ARL17B: variants seen among roughly 807,000 people sequenced by gnomAD.
ARL17B encodes the protein ARF like GTPase 17B, also known as ADP-ribosylation factor-like protein 17.
chr17:46,276,035 T>G (rs138659272), intron 4 of ARL17B, among the ~76,000 whole-genome samples: 15,384 of 143,436 alleles, frequency 0.11, 1 homozygote, highest in Middle Eastern at 0.17. Flanking sequence ...GGATTACAGG[T>G]GCCTGCCACC....
chr17:46,286,583 C>T (rs1476250557), intron 4 of ARL17B, among the ~76,000 whole-genome samples: 1 of 152,118 alleles, frequency 6.6e-6, no homozygotes, highest in Non-Finnish European at 1.5e-5. Flanking sequence ...ACCACATTTT[C>T]CCCAATGTGT....
In ARL17B at chr17:46,306,440, C is replaced by G. The variant is rs2050565260; in HGVS notation, c.260-6775G>C. Reference sequence around the variant, plus strand: ...TGTCTTAAGATCCATTCATTTTTCTCAAATGGGGAAGCTAAGGTACAAAGA... The same window carrying G: ...TGTCTTAAGATCCATTCATTTTTCTGAAATGGGGAAGCTAAGGTACAAAGA... On this transcript the variant is annotated intron_variant, in intron 3 of 4. Transcript: ENST00000434041. 4 of 227,980 alleles carry G rather than the reference C, an allele frequency of 1.8e-5. 1 individual carries two copies. The highest frequency in any genetic ancestry group is 1.6e-4 in the East Asian group (4 of 24,696). 14.1% of individuals were successfully genotyped at this position (227,980 alleles called of 1,614,324 possible). A position where few individuals can be genotyped will look rare whatever the true frequency, so the allele number is the denominator to read the frequency against.
At chr17:46,283,289 T>C (rs2049819567) in intron 4 of ARL17B, among the ~76,000 whole-genome samples, 1 of 152,244 alleles carries the variant, frequency 6.6e-6, no homozygotes, top group African/African-American at 2.4e-5. Flanking sequence ...TGAAAAAACT[T>C]CAAATTCAAC....
intron 4 of ARL17B, among the ~76,000 whole-genome samples, chr17:46,292,167 A>G (rs2050091003): frequency 1.1e-5 from 1 of 87,394 alleles, no homozygotes; most frequent in Non-Finnish European, 3.2e-5. Context: ...CCCCGTCTCT[A>G]CTAAAAATAC....
chr17:46,286,560 A>G (rs1376881173), intron 4 of ARL17B, among the ~76,000 whole-genome samples: 2 of 152,260 alleles, frequency 1.3e-5, no homozygotes, highest in Admixed American at 1.3e-4. Context: ...TGAAGAATCA[A>G]ATCTACCATT....
intron 4 of ARL17B, among the ~76,000 whole-genome samples, chr17:46,291,160 C>T (rs2050055306): frequency 6.6e-6 from 1 of 152,186 alleles, no homozygotes; most frequent in Non-Finnish European, 1.5e-5. Context: ...AGAAAGAAAA[C>T]CTTGAGTTTC....
At chr17:46,288,467 T>C (rs2049978768) in intron 4 of ARL17B, among the ~76,000 whole-genome samples, 1 of 152,022 alleles carries the variant, frequency 6.6e-6, no homozygotes, top group Non-Finnish European at 1.5e-5. Flanking sequence ...TGCCACCACA[T>C]CTGGCTAATT....
intron 4 of ARL17B, among the ~76,000 whole-genome samples, chr17:46,286,901 T>C (rs2143416908): frequency 6.6e-6 from 1 of 152,358 alleles, no homozygotes; most frequent in Middle Eastern, 3.4e-3. Flanking sequence ...TTAGCCTCCT[T>C]TTCTGCGATG....
At position 46,337,431 on chromosome 17, in the gene ARL17B, T is replaced by C; in HGVS notation, c.*2069A>G. 1 of 781,532 alleles carries C rather than the reference T, an allele frequency of 1.3e-6. No individual in the cohort carries two copies. The highest frequency in any genetic ancestry group is 1.7e-5 in the African/African-American group (1 of 58,756). The allele number at this position is 781,532 out of a possible 1,614,324, so 48.4% of individuals were successfully genotyped here. A position where few individuals can be genotyped will look rare whatever the true frequency, so the allele number is the denominator to read the frequency against. ...ATATTTCCCTTTCTATCTTCTAGGA[T>C]GGACTTTCCTCATTTGGACAGCCGC... is the stretch of plus-strand genomic sequence containing the variant. On this transcript the variant is annotated 3_prime_UTR_variant, in exon 4 of 4. Transcript: ENST00000450673.
intron 4 of ARL17B, among the ~76,000 whole-genome samples, chr17:46,290,216 A>G (rs1343315212): frequency 6.6e-6 from 1 of 151,170 alleles, no homozygotes; most frequent in Admixed American, 6.6e-5. Flanking sequence ...TGCAGGGTCG[A>G]CCTCCTGGGG....
chr17:46,314,788 A>G (rs144143290), intron 3 of ARL17B, among the ~76,000 whole-genome samples: 4,181 of 82,030 alleles, frequency 0.051, 1,286 homozygotes, highest in African/African-American at 0.12. Flanking sequence ...CGTAAGAAAT[A>G]CTGGTCTGTA....
At chr17:46,330,317 G>A, downstream of ARL17B, 1 of 27,438 alleles carries the variant, frequency 3.6e-5, no homozygotes, top group African/African-American at 3.7e-4. Flanking sequence ...GATTGGGTGT[G>A]TGTTTCTCCT....
chr17:46,277,221 A>G (rs2668630), intron 4 of ARL17B, among the ~76,000 whole-genome samples: 18,486 of 152,214 alleles, frequency 0.12, 1 homozygote, highest in Non-Finnish European at 0.18. Flanking sequence ...CCAGGTGGCA[A>G]GAAGACATCC....
At chr17:46,290,649 G>A (rs1415484632) in intron 4 of ARL17B, among the ~76,000 whole-genome samples, 1 of 152,204 alleles carries the variant, frequency 6.6e-6, no homozygotes, top group Admixed American at 6.5e-5. Context: ...GTTTCGCCCT[G>A]TTAGCCAGGC....
At chr17:46,285,322 C>T (rs1001693307) in intron 4 of ARL17B, among the ~76,000 whole-genome samples, 3 of 151,006 alleles carry the variant, frequency 2.0e-5, no homozygotes, top group East Asian at 1.9e-4. Context: ...CTCACTGCAA[C>T]CTCTGCTTCC....
chr17:46,324,103 T>G (rs1316168341), intron 3 of ARL17B, among the ~76,000 whole-genome samples: 8 of 121,278 alleles, frequency 6.6e-5, no homozygotes, highest in South Asian at 3.2e-4. Flanking sequence ...AAATGCCATC[T>G]CTACTAAAAA....
At chr17:46,275,730 TGTG>T (rs1263041645) in intron 4 of ARL17B, among the ~76,000 whole-genome samples, 2 of 152,218 alleles carry the variant, frequency 1.3e-5, no homozygotes, top group Admixed American at 6.5e-5. Flanking sequence ...GCATTACCAT[TGTG>T]GTGAAAGGTG....
At chr17:46,276,790 C>CTTTTCTTTTTTTTT (rs2049598576) in intron 4 of ARL17B, among the ~76,000 whole-genome samples, 20 of 134,232 alleles carry the variant, frequency 1.5e-4, no homozygotes, top group Non-Finnish European at 2.6e-4. Flanking sequence ...TTCTTTTTTT[C>CTTTTCTTTTTTTTT]TTTTTTTTTT....
intron 3 of ARL17B, among the ~76,000 whole-genome samples, chr17:46,340,969 G>T (rs1376598739): frequency 4.1e-5 from 3 of 74,074 alleles, no homozygotes; most frequent in African/African-American, 1.3e-4. Context: ...TTGAACTCCT[G>T]GCCTCAAGTG....
Sources: allele counts gnomAD v4.1 joint callset (sites outside exome capture counted in the v4.1 genomes callset), GRCh38; gene constraint gnomAD v4.1.1; transcripts MANE v1.5; gene names NCBI Gene and HGNC (gene_info 2026-07-23, HGNC 2026-07-21).